Variants in SMC6 observed in about 807,000 individuals in gnomAD.
The protein encoded by SMC6 is structural maintenance of chromosomes protein 6.
SMC6 carries 79 observed loss-of-function variants against 142.2 expected under a neutral mutation model. The observed-to-expected ratio is 0.56, with a 90% CI of 0.46 to 0.67. The LOEUF (loss-of-function observed/expected upper bound fraction) is 0.67. Ranked by LOEUF, SMC6 falls within the 30% of genes least tolerant of loss-of-function variation. The pLI is 0.00. For synonymous variants in SMC6, 411 were observed against 412.4 expected, an observed-to-expected ratio of 1.00 and a Z score of 0.04; for missense variants, 1,072 against 1,284.0, an observed-to-expected ratio of 0.83 and a Z score of 2.52.
At chr2:17,726,632 A>G (rs909735865) in intron 7 of SMC6, among the ~76,000 whole-genome samples, 163 bp from the exon 8 acceptor site, 2 of 152,232 alleles carry the variant, frequency 1.3e-5, no homozygotes, top group African/African-American at 4.8e-5. Flanking sequence ...AAAGTTAGAA[A>G]TGTATAATGC....
rs751723798 is a variant in SMC6 at position 17,665,578 on chromosome 2, C to T, written c.3197G>A (p.Arg1066Gln). 8.1e-6 allele frequency: 13 copies of T among 1,609,390 alleles called. No individual in the cohort carries two copies. Among genetic ancestry groups the T allele is most frequent in the South Asian group, 2.2e-5 (2 of 90,422 alleles). ...LPSSKLIRIL[R>Q]MSDPERGQTT... ...TTGTCCTCTTTCAGGATCAGACATT[C>T]GGAGAATTCTTATCAGTTTACTGGA... is the stretch of plus-strand genomic sequence containing the variant. Residue 1066 changes from arginine to glutamine, a missense_variant, in exon 28 of 28, where the codon CGA becomes CAA. By Grantham distance (43) the Arg-to-Gln change is conservative (BLOSUM62 1). This residue lies in a region of SMC6 where 76 missense variants were observed against 112.3 expected (regional missense o/e 0.68). Transcript: ENST00000448223.
chr2:17,726,682 G>T (rs1669644803), intron 7 of SMC6, among the ~76,000 whole-genome samples: 1 of 152,072 alleles, frequency 6.6e-6, no homozygotes, highest in Admixed American at 6.6e-5. Context: ...CAACATATAT[G>T]GTATAGTTAA....
chr2:17,729,625 C>G (rs940236038), intron 7 of SMC6, among the ~76,000 whole-genome samples: 1 of 152,172 alleles, frequency 6.6e-6, no homozygotes, highest in African/African-American at 2.4e-5. Flanking sequence ...TCAAGATTCT[C>G]CCAACACCCA....
intron 23 of SMC6, among the ~76,000 whole-genome samples, chr2:17,692,045 GA>G (rs1558337914): frequency 6.6e-6 from 1 of 152,154 alleles, no homozygotes; most frequent in African/African-American, 2.4e-5. Flanking sequence ...ACTGCTCAAT[GA>G]AATAAAAGAG....
intron 4 of SMC6, 44 bp downstream of exon 4, chr2:17,741,568 C>A: frequency 1.6e-6 from 2 of 1,272,942 alleles, no homozygotes; most frequent in South Asian, 2.6e-5. Context: ...ACTCTAATCT[C>A]AAAGTACTGC....
At chr2:17,750,585 C>A (rs917000499) in intron 2 of SMC6, among the ~76,000 whole-genome samples, 3 of 152,186 alleles carry the variant, frequency 2.0e-5, no homozygotes, top group African/African-American at 7.2e-5. Flanking sequence ...CCAGTTAAAC[C>A]TCTTTAACGC....
At position 17,707,389 on chromosome 2, in the gene SMC6, T is replaced by C. The variant is rs779113176; in HGVS notation, c.1846-10A>G. On this transcript the variant is annotated splice_polypyrimidine_tract_variant and intron_variant, in intron 17 of 27. Coordinates refer to ENST00000448223, the MANE Select transcript of SMC6 (RefSeq NM_001142286.2). ...GAGCTACAGAATTATTCTAAAAGAA[T>C]AGAAGAAAATAAATTTTTTAAGACG... The C allele has an allele frequency of 7.7e-6, 11 of 1,434,612 alleles. No homozygotes were observed. The highest frequency in any genetic ancestry group is 5.2e-5 in the East Asian group (2 of 38,434). The allele number at this position is 1,434,612 out of a possible 1,614,324, so 88.9% of individuals were successfully genotyped here.
At chr2:17,731,648 A>G in intron 6 of SMC6, 93 bp downstream of exon 6, 1 of 1,230,668 alleles carries the variant, frequency 8.1e-7, no homozygotes, top group Non-Finnish European at 1.2e-6. Context: ...TCATGTTACA[A>G]GGAAGATAGT....
At chr2:17,744,738 T>A (rs897852346) in intron 3 of SMC6, among the ~76,000 whole-genome samples, 2 of 152,166 alleles carry the variant, frequency 1.3e-5, no homozygotes, top group South Asian at 4.2e-4. Context: ...CTTTAACAGG[T>A]TGAGGAAGTT....
chr2:17,695,583 T>C (rs1325632572), intron 22 of SMC6, among the ~76,000 whole-genome samples: 1 of 152,182 alleles, frequency 6.6e-6, no homozygotes, highest in Non-Finnish European at 1.5e-5. Flanking sequence ...TACGAAAAGC[T>C]TGCTACCCAG....
chr2:17,732,548 A>G (rs770110962), intron 5 of SMC6, among the ~76,000 whole-genome samples: 3 of 151,942 alleles, frequency 2.0e-5, no homozygotes, highest in Non-Finnish European at 4.4e-5. Context: ...AAAATACAAA[A>G]ATTAGCCGGG....
intron 11 of SMC6, among the ~76,000 whole-genome samples, chr2:17,720,040 G>C (rs769549049): frequency 2.2e-4 from 33 of 152,120 alleles, no homozygotes; most frequent in Non-Finnish European, 4.4e-4. Context: ...GGGGGAAGGG[G>C]AGTAAAGAAG....
At position 17,665,624 on chromosome 2, in the gene SMC6, C is replaced by A. The variant is rs746687692; in HGVS notation, c.3162-11G>T. ...CTGGATGGAAGTGAACTAGAAGAAG[C>A]AAAATCAATTACTCAAATTTCCAAG... On this transcript the variant is annotated splice_polypyrimidine_tract_variant and intron_variant, in intron 27 of 27. Transcript: ENST00000448223. The A allele has an allele frequency of 2.0e-6, 3 of 1,512,736 alleles. 1 individual carries two copies. The South Asian group carries it at 3.7e-5, about 18-fold the overall frequency. 93.7% of individuals were successfully genotyped at this position (1,512,736 alleles called of 1,614,324 possible). A position where few individuals can be genotyped will look rare whatever the true frequency, so the allele number is the denominator to read the frequency against.
chr2:17,738,828 T>G lies in SMC6; in HGVS notation c.239-502A>C, dbSNP rs76117496. 3.3e-5 allele frequency among the ~76,000 whole-genome samples: 5 copies of G among 152,136 alleles called. No individual in the cohort carries two copies. The South Asian group carries it at 1.0e-3, about 32-fold the overall frequency. On this transcript the variant is annotated intron_variant, in intron 4 of 27. Transcript: ENST00000448223. ...TCACTATGCCCGGCTAATTTTTTTT[T>G]GTAGAGACACAGTGTTGGTATGTTG...
Position 17,745,924 on chromosome 2 carries a change from T to G in SMC6, c.23A>C (p.Asn8Thr). 6.2e-7 allele frequency: 1 copy of G among 1,609,338 alleles called. No individual in the cohort carries two copies. Among genetic ancestry groups the G allele is most frequent in the Non-Finnish European group, 8.5e-7 (1 of 1,177,916 alleles). Residue 8 changes from asparagine (N) to threonine (T), a missense_variant, in exon 3 of 28, where the codon AAT (asparagine) becomes ACT (threonine). Coordinates refer to ENST00000448223, the MANE Select transcript of SMC6 (RefSeq NM_001142286.2). ...TTTGGCATTTTTAGGAGAGGAAAAA[T>G]TTTCTTCCTTTCTTTTGGCCATCAG... MAKRKEENFSSPKNAKRP... is the reference protein window; with the variant it reads MAKRKEETFSSPKNAKRP...
intron 7 of SMC6, among the ~76,000 whole-genome samples, chr2:17,728,124 A>G (rs1483538834): frequency 6.6e-6 from 1 of 152,142 alleles, no homozygotes; most frequent in African/African-American, 2.4e-5. Context: ...CCTACTTGTT[A>G]TACTCCTCTT....
chr2:17,696,680 G>A (rs1478285730), intron 21 of SMC6, among the ~76,000 whole-genome samples: 2 of 152,004 alleles, frequency 1.3e-5, no homozygotes, highest in East Asian at 3.9e-4. Context: ...TGTTTTTGGG[G>A]GAATCCACAT....
At chr2:17,729,627 C>A (rs1046637249) in intron 7 of SMC6, among the ~76,000 whole-genome samples, 6 of 152,162 alleles carry the variant, frequency 3.9e-5, no homozygotes, top group Non-Finnish European at 8.8e-5. Context: ...AAGATTCTCC[C>A]AACACCCATG....
At chr2:17,670,168 A>G (rs1666688897) in intron 26 of SMC6, among the ~76,000 whole-genome samples, 1 of 152,168 alleles carries the variant, frequency 6.6e-6, no homozygotes, top group East Asian at 1.9e-4. Flanking sequence ...AAACGCAGAT[A>G]TGATGGAAGG....
Sources: allele counts gnomAD v4.1 joint callset (sites outside exome capture counted in the v4.1 genomes callset), GRCh38; gene constraint gnomAD v4.1.1; regional missense constraint gnomAD v4.1.1; transcripts MANE v1.5; gene names NCBI Gene and HGNC (gene_info 2026-07-23, HGNC 2026-07-21).